Variants in SPOCK1 observed in about 807,000 individuals in gnomAD.
The protein encoded by SPOCK1 is SPARC (osteonectin), cwcv and kazal like domains proteoglycan 1.
Under a neutral mutation model 55.3 loss-of-function variants are expected in SPOCK1, and 23 were observed. That is an observed-to-expected ratio of 0.42 (90% CI 0.30 to 0.59). The LOEUF (loss-of-function observed/expected upper bound fraction) is 0.59. Among genes scored for constraint, SPOCK1 ranks in the 20% least tolerant of loss-of-function variants. The probability of loss-of-function intolerance (pLI) is 0.22; values close to 1 mark genes in which losing one functional copy is unlikely to be tolerated. For missense variants in SPOCK1, 499 were observed against 552.5 expected, an observed-to-expected ratio of 0.90 and a Z score of 0.97; for synonymous variants, 226 against 221.0, an observed-to-expected ratio of 1.02 and a Z score of -0.20.
intron 4 of SPOCK1, among the ~76,000 whole-genome samples, chr5:137,120,140 C>T (rs1379795586): frequency 6.6e-6 from 1 of 152,078 alleles, no homozygotes; most frequent in Non-Finnish European, 1.5e-5. Context: ...TGTGCTTCAC[C>T]CCGTCTTGCT....
intron 6 of SPOCK1, among the ~76,000 whole-genome samples, chr5:137,001,642 T>C (rs1217107903): frequency 1.3e-5 from 2 of 152,210 alleles, no homozygotes; most frequent in Non-Finnish European, 2.9e-5. Flanking sequence ...AAGTTGTTGC[T>C]CTTCACGCAA....
chr5:137,491,697 T>C (rs1349594550), intron 2 of SPOCK1, among the ~76,000 whole-genome samples: 1 of 152,216 alleles, frequency 6.6e-6, no homozygotes, highest in Non-Finnish European at 1.5e-5. Context: ...TCTCAGAGAC[T>C]ATAAACACAT....
intron 2 of SPOCK1, among the ~76,000 whole-genome samples, chr5:137,332,103 C>A (rs779752430): frequency 6.6e-6 from 1 of 152,176 alleles, no homozygotes; most frequent in Non-Finnish European, 1.5e-5. Context: ...TTTCCCCTCT[C>A]TGGCCCTGCC....
intron 6 of SPOCK1, among the ~76,000 whole-genome samples, chr5:137,066,886 G>A (rs1312730487): frequency 6.6e-6 from 1 of 151,572 alleles, no homozygotes; most frequent in Non-Finnish European, 1.5e-5. Flanking sequence ...AGCTTATAAA[G>A]AGCCAGATAG....
At chr5:137,208,062 TC>T (rs1238711767) in intron 3 of SPOCK1, among the ~76,000 whole-genome samples, 1 of 152,122 alleles carries the variant, frequency 6.6e-6, no homozygotes, top group Non-Finnish European at 1.5e-5. Context: ...AGAGCCAGCC[TC>T]ACTATGAGCA....
At chr5:137,375,025 T>C (rs370258799) in intron 2 of SPOCK1, among the ~76,000 whole-genome samples, 19 of 152,276 alleles carry the variant, frequency 1.2e-4, no homozygotes, top group African/African-American at 4.3e-4. Flanking sequence ...ATTTTATCTG[T>C]TTCCTATGAA....
At chr5:137,214,112 C>T (rs1384960638) in intron 3 of SPOCK1, among the ~76,000 whole-genome samples, 1 of 152,132 alleles carries the variant, frequency 6.6e-6, no homozygotes, top group Non-Finnish European at 1.5e-5. Flanking sequence ...AAAATATTTC[C>T]AAATGACAGT....
At chr5:137,214,583 C>T (rs1320835092) in intron 3 of SPOCK1, among the ~76,000 whole-genome samples, 4 of 152,168 alleles carry the variant, frequency 2.6e-5, no homozygotes, top group Non-Finnish European at 5.9e-5. Context: ...AAGCATGTAT[C>T]AGTAGCTGTG....
intron 2 of SPOCK1, among the ~76,000 whole-genome samples, chr5:137,341,175 A>G (rs1415542617): frequency 6.6e-6 from 1 of 152,282 alleles, no homozygotes; most frequent in African/African-American, 2.4e-5. Context: ...TATGTTCTGC[A>G]CGCGCTTGGC....
intron 2 of SPOCK1, among the ~76,000 whole-genome samples, chr5:137,301,175 C>T (rs1757581378): frequency 6.6e-6 from 1 of 152,194 alleles, no homozygotes; most frequent in Non-Finnish European, 1.5e-5. Context: ...TGCCCAGGAC[C>T]TATAGAGGGA....
At chr5:137,019,805 G>A (rs1751532951) in intron 6 of SPOCK1, among the ~76,000 whole-genome samples, 1 of 151,736 alleles carries the variant, frequency 6.6e-6, no homozygotes, top group South Asian at 2.1e-4. Context: ...GATAGACAAA[G>A]GAAAAGGAAA....
intron 2 of SPOCK1, among the ~76,000 whole-genome samples, chr5:137,279,915 C>T (rs1757136606): frequency 6.6e-6 from 1 of 152,198 alleles, no homozygotes. Flanking sequence ...CCCTCTTTCC[C>T]TCCTAAAGAG....
At chr5:136,995,640 G>C (rs1751026909) in intron 6 of SPOCK1, among the ~76,000 whole-genome samples, 1 of 152,162 alleles carries the variant, frequency 6.6e-6, no homozygotes, top group South Asian at 2.1e-4. Context: ...AGAGAAAATT[G>C]CCAAGTCAAC....
chr5:137,283,048 C>A (rs1032360633), intron 2 of SPOCK1, among the ~76,000 whole-genome samples: 2 of 152,216 alleles, frequency 1.3e-5, no homozygotes, highest in African/African-American at 4.8e-5. Context: ...GGGGCACAGG[C>A]TGGAAAGTCC....
chr5:137,312,818 C>T (rs1483644132), intron 2 of SPOCK1, among the ~76,000 whole-genome samples: 1 of 152,240 alleles, frequency 6.6e-6, no homozygotes, highest in East Asian at 1.9e-4. Context: ...CCATCATCCC[C>T]ATCCAGTAAA....
intron 3 of SPOCK1, among the ~76,000 whole-genome samples, chr5:137,165,549 C>T (rs1365274656): frequency 6.6e-6 from 1 of 152,106 alleles, no homozygotes; most frequent in Admixed American, 6.6e-5. Flanking sequence ...CAGGAAAACA[C>T]GACCTTACCA....
intron 2 of SPOCK1, among the ~76,000 whole-genome samples, chr5:137,386,390 G>A (rs10045753): frequency 0.086 from 12,993 of 151,766 alleles, 1,257 homozygotes; most frequent in African/African-American, 0.24. Flanking sequence ...TACATGAAGA[G>A]GCCAAAGACT....
chr5:136,983,467 G>A (rs549323069), intron 9 of SPOCK1, among the ~76,000 whole-genome samples: 4 of 152,244 alleles, frequency 2.6e-5, no homozygotes, highest in South Asian at 4.1e-4. Context: ...AGGAGTGTAC[G>A]CCATTGCATG....
intron 2 of SPOCK1, among the ~76,000 whole-genome samples, chr5:137,475,316 ACTCTT>A (rs1179833731): frequency 6.6e-6 from 1 of 152,056 alleles, no homozygotes; most frequent in African/African-American, 2.4e-5. Flanking sequence ...TGGTAGCAGT[ACTCTT>A]CTCTTTTCTA....
Sources: gnomAD v4.1 joint callset for allele counts (sites outside exome capture counted in the v4.1 genomes callset) on GRCh38, gnomAD v4.1.1 for gene constraint, MANE v1.5 for transcripts, NCBI Gene and HGNC (gene_info 2026-07-23, HGNC 2026-07-21) for gene names.